DCAF1: variants seen among roughly 807,000 people sequenced by gnomAD.
DCAF1 encodes the protein DDB1- and CUL4-associated factor 1.
In DCAF1, 15 loss-of-function variants were observed where a neutral mutation model predicts 128.0. The ratio of observed to expected loss-of-function variants is 0.12; its 90% CI spans 0.08 to 0.18. DCAF1 has a LOEUF of 0.18. Among genes scored for constraint, DCAF1 ranks in the 10% least tolerant of loss-of-function variants. The pLI is 1.00. For synonymous variants in DCAF1, 610 were observed against 603.0 expected, an observed-to-expected ratio of 1.01 and a Z score of -0.17; for missense variants, 988 against 1,649.5, an observed-to-expected ratio of 0.60 and a Z score of 6.95.
rs372451907 is a variant in DCAF1 at position 51,403,272 on chromosome 3, C to T, written c.4336G>A (p.Ala1446Thr). ...ELEEDDNNEN[A>T]GEDGDNDFSP... ...AAGTCATTGTCCCCATCTTCCCCTG[C>T]GTTCTCATTATTGTCGTCCTCCTCC... The change falls in exon 24 of 25, where the codon GCA becomes ACA. Residue 1446 changes from alanine to threonine, a missense_variant. Transcript: ENST00000684031. 13 of 1,610,838 alleles carry T rather than the reference C, an allele frequency of 8.1e-6. No homozygotes were observed. Among genetic ancestry groups the T allele is most frequent in the Non-Finnish European group, 1.1e-5 (13 of 1,178,546 alleles).
At chr3:51,431,519 CAAAA>C (rs5848921) in intron 10 of DCAF1, among the ~76,000 whole-genome samples, 2 of 64,124 alleles carry the variant, frequency 3.1e-5, no homozygotes. Context: ...GATTCCGTCT[CAAAA>C]AAAAAAAAAA....
At chr3:51,487,758 C>T (rs1335540262) in intron 2 of DCAF1, among the ~76,000 whole-genome samples, 2 of 151,872 alleles carry the variant, frequency 1.3e-5, no homozygotes, top group Admixed American at 1.3e-4. Context: ...CTAGGCTGGT[C>T]GTGAACTCCT....
At chr3:51,490,026 A>G (rs1707451662) in intron 2 of DCAF1, among the ~76,000 whole-genome samples, 1 of 152,210 alleles carries the variant, frequency 6.6e-6, no homozygotes, top group Non-Finnish European at 1.5e-5. Context: ...GTACTGCTAT[A>G]CACTAGCCAA....
rs2107216301 is a variant in DCAF1, at chr3:51,414,734, G to A, written c.3727C>T (p.Leu1243Phe). 1 of 1,614,004 alleles carries A rather than the reference G, an allele frequency of 6.2e-7. No individual in the cohort carries two copies. The highest frequency in any genetic ancestry group is 1.6e-4 in the Middle Eastern group (1 of 6,062). Residue 1243 changes from leucine (L) to phenylalanine (F), a missense_variant, in exon 19 of 25, where the codon CTC becomes TTC. This residue lies in a region of DCAF1 where 85 missense variants were observed against 204.6 expected (regional missense o/e 0.42). Coordinates refer to ENST00000684031, the MANE Select transcript of DCAF1 (RefSeq NM_001387579.1). ...GCCTGTGCAGAGCGGACATCCCAGA[G>A]GACGCCATCATTTAAGACAAGATCA... Reference protein sequence around the residue: ...TDDLVLNDGVLWDVRSAQAIH... With the variant: ...TDDLVLNDGVFWDVRSAQAIH...
chr3:51,495,776 G>T (rs782353018), intron 2 of DCAF1, among the ~76,000 whole-genome samples: 2 of 151,918 alleles, frequency 1.3e-5, no homozygotes, highest in African/African-American at 4.8e-5. Context: ...TTCAATGTTC[G>T]TTTTTTTGTG....
At chr3:51,430,547 T>A (rs1283601938) in intron 10 of DCAF1, among the ~76,000 whole-genome samples, 1 of 10,746 alleles carries the variant, frequency 9.3e-5, no homozygotes, top group Non-Finnish European at 4.2e-3. Flanking sequence ...AAGGAACTTC[T>A]CCAAATGTGA....
rs1698800082 is a variant in DCAF1 at position 51,415,523 on chromosome 3, A to G, written c.3604-666T>C. Among the ~76,000 whole-genome samples, 6 of 152,272 alleles carry G rather than the reference A, an allele frequency of 3.9e-5. No individual in the cohort carries two copies. In the South Asian group the frequency reaches 1.0e-3, roughly 26 times the overall value. Reference sequence around the variant, plus strand: ...AATAAATAAATAAATAAATACTGTCAATATGTGGACAAGTCCCATATTTAT... The same window carrying G: ...AATAAATAAATAAATAAATACTGTCGATATGTGGACAAGTCCCATATTTAT... On this transcript the variant is annotated intron_variant, in intron 18 of 24. Transcript: ENST00000684031.
chr3:51,426,195 G>A (rs1388812672), intron 13 of DCAF1, among the ~76,000 whole-genome samples: 4 of 151,778 alleles, frequency 2.6e-5, no homozygotes, highest in African/African-American at 7.3e-5. Flanking sequence ...CATGAATAAC[G>A]CAAACATGCA....
intron 6 of DCAF1, among the ~76,000 whole-genome samples, chr3:51,458,442 T>TA (rs1703166064): frequency 2.0e-5 from 3 of 152,118 alleles, no homozygotes; most frequent in African/African-American, 7.2e-5. Flanking sequence ...CAAAGAGACT[T>TA]AGACTCCCAC....
At chr3:51,446,665 G>GA (rs1197934263) in intron 6 of DCAF1, among the ~76,000 whole-genome samples, 12 of 150,726 alleles carry the variant, frequency 8.0e-5, no homozygotes, top group Non-Finnish European at 7.4e-5. Flanking sequence ...ATTTAAAAAT[G>GA]AAAAAAAATA....
At chr3:51,396,970 G>A (rs895579953), downstream of DCAF1, 2 of 167,022 alleles carry the variant, frequency 1.2e-5, no homozygotes, top group African/African-American at 4.8e-5. Context: ...CTCTCCAGAG[G>A]ACCAAGAAAT....
chr3:51,436,186 A>T (rs1553636636), intron 9 of DCAF1, among the ~76,000 whole-genome samples: 1 of 152,254 alleles, frequency 6.6e-6, no homozygotes, highest in South Asian at 2.1e-4. Context: ...AGGAGCAATG[A>T]TGCTCAGGGA....
chr3:51,498,316 C>T (rs1269900379), intron 1 of DCAF1, among the ~76,000 whole-genome samples: 2 of 149,582 alleles, frequency 1.3e-5, no homozygotes, highest in Admixed American at 6.8e-5. Context: ...GACAAGATCG[C>T]GCCACTGCAC....
intron 20 of DCAF1, 67 bp downstream of exon 20, chr3:51,413,883 G>A (rs1698648488): frequency 7.4e-7 from 1 of 1,357,178 alleles, no homozygotes; most frequent in South Asian, 2.1e-5. Flanking sequence ...GTTCCAAAAA[G>A]AAGTATCAAA....
At chr3:51,412,087 C>T (rs140617653) in intron 23 of DCAF1, among the ~76,000 whole-genome samples, 37 of 123,252 alleles carry the variant, frequency 3.0e-4, no homozygotes, top group African/African-American at 1.0e-3. Context: ...CCAGCCTCGG[C>T]GACAAGAGCA....
At chr3:51,407,180 C>CAAAAAA (rs1165134977) in intron 23 of DCAF1, among the ~76,000 whole-genome samples, 1 of 114,336 alleles carries the variant, frequency 8.7e-6, no homozygotes, top group East Asian at 2.7e-4. Flanking sequence ...AAAAAAAAAA[C>CAAAAAA]AACAACAAAA....
chr3:51,411,484 C>A (rs1016649591), intron 23 of DCAF1, among the ~76,000 whole-genome samples: 1 of 152,184 alleles, frequency 6.6e-6, no homozygotes, highest in Non-Finnish European at 1.5e-5. Context: ...TACTGACACA[C>A]CACACAGGCA....
chr3:51,419,670 C>A (rs1699223567), intron 15 of DCAF1, 64 bp downstream of exon 15: 2 of 1,531,636 alleles, frequency 1.3e-6, no homozygotes, highest in African/African-American at 1.4e-5. Context: ...CTGATACTGC[C>A]CAGTTTGATT....
chr3:51,438,028 T>C (rs1553637448), intron 9 of DCAF1: 3 of 372,036 alleles, frequency 8.1e-6, no homozygotes, highest in Non-Finnish European at 1.6e-5. Flanking sequence ...GTTTTATACC[T>C]GTTATATGTT....
Sources: gnomAD v4.1 joint callset for allele counts (sites outside exome capture counted in the v4.1 genomes callset) on GRCh38, gnomAD v4.1.1 for gene constraint, gnomAD v4.1.1 regional missense constraint, MANE v1.5 for transcripts, NCBI Gene and HGNC (gene_info 2026-07-23, HGNC 2026-07-21) for gene names.